Variants in VEPH1 observed in about 807,000 individuals in gnomAD.
The protein encoded by VEPH1 is ventricular zone expressed PH domain containing 1.
A neutral mutation model predicts 85.2 loss-of-function variants in VEPH1; 80 were observed. The ratio of observed to expected loss-of-function variants is 0.94; its 90% CI spans 0.78 to 1.13. The LOEUF (loss-of-function observed/expected upper bound fraction) is 1.13, where lower values mean the gene tolerates loss of function less well. Among genes scored for constraint, VEPH1 ranks in the 50% most tolerant of loss-of-function variants. VEPH1 has a pLI of 0.00. For synonymous variants in VEPH1, 297 were observed against 348.0 expected (o/e 0.85, Z 1.63); for missense variants, 955 against 980.5 (o/e 0.97, Z 0.35).
chr3:157,270,071 T>C (rs1357117260), intron 12 of VEPH1, among the ~76,000 whole-genome samples: 1 of 151,896 alleles, frequency 6.6e-6, no homozygotes, highest in Admixed American at 6.6e-5. Flanking sequence ...CTGAGCAACA[T>C]AGCGAGACCC....
chr3:157,297,441 A>T (rs1182463751), intron 11 of VEPH1, among the ~76,000 whole-genome samples: 2 of 152,176 alleles, frequency 1.3e-5, no homozygotes, highest in Non-Finnish European at 2.9e-5. Context: ...TGAGGCCATA[A>T]TGTGATGTAC....
chr3:157,260,841 A>C lies in VEPH1; in HGVS notation c.*293T>G, dbSNP rs1042314684. On this transcript the variant is annotated 3_prime_UTR_variant, in exon 14 of 14. Transcript: ENST00000362010. Reference sequence around the variant, plus strand: ...ACATATCTACAGAAGTTCTTTTATCAGTGACTTTTCCCTTCCTGGCCCCAC... The same window carrying C: ...ACATATCTACAGAAGTTCTTTTATCCGTGACTTTTCCCTTCCTGGCCCCAC... The C allele has an allele frequency of 3.3e-6, 1 of 300,778 alleles. No homozygotes were observed. The highest frequency in any genetic ancestry group is 6.2e-6 in the Non-Finnish European group (1 of 162,284). 18.6% of individuals were successfully genotyped at this position (300,778 alleles called of 1,614,324 possible).
At chr3:157,477,356 T>C (rs947349554) in intron 2 of VEPH1, among the ~76,000 whole-genome samples, 3 of 152,202 alleles carry the variant, frequency 2.0e-5, no homozygotes, top group African/African-American at 4.8e-5. Flanking sequence ...GACCCTTGAT[T>C]ATATTGGGCC....
At chr3:157,405,545 C>T (rs946319594) in intron 6 of VEPH1, among the ~76,000 whole-genome samples, 1 of 152,044 alleles carries the variant, frequency 6.6e-6, no homozygotes, top group African/African-American at 2.4e-5. Flanking sequence ...CATCTCTCCC[C>T]CTCCCCTCCA....
chr3:157,268,745 G>GT (rs1467013866), intron 12 of VEPH1, among the ~76,000 whole-genome samples: 2 of 152,010 alleles, frequency 1.3e-5, no homozygotes, highest in East Asian at 3.8e-4. Flanking sequence ...TGACTTTACA[G>GT]TTTTTTTGTT....
At chr3:157,410,372 A>G (rs1186524919) in intron 6 of VEPH1, among the ~76,000 whole-genome samples, 4 of 152,064 alleles carry the variant, frequency 2.6e-5, no homozygotes, top group Non-Finnish European at 5.9e-5. Flanking sequence ...CTTTGTTGAC[A>G]TTTCCTTTCA....
chr3:157,494,251 G>C (rs1381730317), intron 2 of VEPH1, among the ~76,000 whole-genome samples: 2 of 152,180 alleles, frequency 1.3e-5, no homozygotes, highest in Non-Finnish European at 2.9e-5. Flanking sequence ...GAAGAGCGCT[G>C]TTGTTTCTGA....
chr3:157,297,981 T>A (rs936984971), intron 11 of VEPH1, among the ~76,000 whole-genome samples: 10 of 151,994 alleles, frequency 6.6e-5, no homozygotes, highest in African/African-American at 2.2e-4. Flanking sequence ...CAGGCCCTGA[T>A]CAGACATAGA....
chr3:157,435,228 TATTTC>T (rs1297651123), intron 4 of VEPH1, among the ~76,000 whole-genome samples: 1 of 152,254 alleles, frequency 6.6e-6, no homozygotes, highest in Non-Finnish European at 1.5e-5. Flanking sequence ...TTTTGGCTGA[TATTTC>T]AACTAAATGC....
chr3:157,277,678 T>C (rs1185978196), intron 12 of VEPH1, among the ~76,000 whole-genome samples: 1 of 152,210 alleles, frequency 6.6e-6, no homozygotes, highest in East Asian at 1.9e-4. Context: ...ATGTTATATA[T>C]GAAACACACA....
intron 6 of VEPH1, among the ~76,000 whole-genome samples, chr3:157,402,343 C>T: frequency 6.6e-6 from 1 of 152,124 alleles, no homozygotes; most frequent in Non-Finnish European, 1.5e-5. Context: ...AGAAGGTGGG[C>T]TCTGGAAACT....
At chr3:157,460,682 T>C (rs886632362) in intron 3 of VEPH1, among the ~76,000 whole-genome samples, 1 of 152,110 alleles carries the variant, frequency 6.6e-6, no homozygotes, top group Non-Finnish European at 1.5e-5. Flanking sequence ...ATGTCTTAGT[T>C]GGGACCTCAT....
chr3:157,432,991 C>T lies in VEPH1; in HGVS notation c.530-4503G>A, dbSNP rs190835102. Among the ~76,000 whole-genome samples the T allele has an allele frequency of 2.0e-4, 30 of 152,240 alleles. No individual in the cohort carries two copies. In the East Asian group the frequency reaches 5.8e-3, roughly 29 times the overall value. The stretch of plus-strand genomic sequence containing the variant: ...AGGTATCCCATAGCTATTTTTGCTA[C>T]TGTAAATGAAAACTTTATTTGCAAA... On this transcript the variant is annotated intron_variant, in intron 4 of 13. Coordinates refer to ENST00000362010, the MANE Select transcript of VEPH1 (RefSeq NM_001167912.2).
At chr3:157,264,745 G>A (rs1330456467) in intron 13 of VEPH1, among the ~76,000 whole-genome samples, 1 of 152,100 alleles carries the variant, frequency 6.6e-6, no homozygotes, top group African/African-American at 2.4e-5. Flanking sequence ...CCAAGGTGTT[G>A]CATAGTAGGC....
At position 157,407,294 on chromosome 3, in the gene VEPH1, T is replaced by A. The variant is rs145636514; in HGVS notation, c.906+6587A>T. On this transcript the variant is annotated intron_variant, in intron 6 of 13. Transcript: ENST00000362010. ...AATTGCTGCAAACTTATTTGAGCTG[T>A]TTATATAGCTGGGGAGGTGGGGACC... is the stretch of plus-strand genomic sequence containing the variant. 5.6e-3 allele frequency among the ~76,000 whole-genome samples: 855 copies of A among 152,258 alleles called. 3 individuals are homozygous for A. The highest frequency in any genetic ancestry group is 0.02 in the African/African-American group (822 of 41,568).
At chr3:157,468,313 C>T (rs1007993786) in intron 3 of VEPH1, among the ~76,000 whole-genome samples, 1 of 152,278 alleles carries the variant, frequency 6.6e-6, no homozygotes, top group Non-Finnish European at 1.5e-5. Context: ...CACTAAAATG[C>T]ACATCAGATA....
At chr3:157,350,198 A>G (rs1310003349) in intron 9 of VEPH1, among the ~76,000 whole-genome samples, 2 of 152,172 alleles carry the variant, frequency 1.3e-5, no homozygotes, top group Non-Finnish European at 2.9e-5. Context: ...AGAATAGAGA[A>G]CCTAGAAATT....
intron 7 of VEPH1, among the ~76,000 whole-genome samples, chr3:157,376,908 T>C (rs1188152622): frequency 6.6e-6 from 1 of 152,222 alleles, no homozygotes; most frequent in Non-Finnish European, 1.5e-5. Flanking sequence ...ACTTATTCAT[T>C]TCCCCTTTAA....
chr3:157,314,754 T>C (rs1453802199), intron 10 of VEPH1, among the ~76,000 whole-genome samples: 1 of 152,100 alleles, frequency 6.6e-6, no homozygotes, highest in Non-Finnish European at 1.5e-5. Flanking sequence ...GTATAATAGA[T>C]GAATATTCTT....
Sources: gnomAD v4.1 joint callset for allele counts (sites outside exome capture counted in the v4.1 genomes callset) on GRCh38, gnomAD v4.1.1 for gene constraint, MANE v1.5 for transcripts, NCBI Gene and HGNC (gene_info 2026-07-23, HGNC 2026-07-21) for gene names.